ORC5: variants seen among roughly 807,000 people sequenced by gnomAD.
ORC5 encodes origin recognition complex subunit 5.
In ORC5, 39 loss-of-function variants were observed where a neutral mutation model predicts 58.8. That is an observed-to-expected ratio of 0.66 (90% CI 0.51 to 0.87). The LOEUF is 0.87. ORC5 is among the 40% of genes least tolerant of loss of function. The pLI is 0.00. For synonymous variants in ORC5, 218 were observed against 177.6 expected, an observed-to-expected ratio of 1.23 and a Z score of -1.81; for missense variants, 493 against 506.3, an observed-to-expected ratio of 0.97 and a Z score of 0.25.
intron 11 of ORC5, among the ~76,000 whole-genome samples, chr7:104,161,886 T>C (rs909437742): frequency 2.0e-5 from 3 of 152,220 alleles, no homozygotes; most frequent in Non-Finnish European, 4.4e-5. Context: ...TAGAGCTTAC[T>C]ACTTATTTCT....
chr7:104,166,039 TA>T (rs71154393), intron 10 of ORC5, among the ~76,000 whole-genome samples: 1 of 150,054 alleles, frequency 6.7e-6, no homozygotes, highest in African/African-American at 2.5e-5. Flanking sequence ...CTCAAAAAAA[TA>T]AAAAAAAATA....
chr7:104,166,754 G>C lies in ORC5; in HGVS notation c.990+18C>G, dbSNP rs2307405. 0.2 allele frequency: 251,694 copies of C among 1,261,520 alleles called. 27,091 individuals carry two copies. Among genetic ancestry groups the C allele is most frequent in the Middle Eastern group, 0.24 (1,180 of 4,966 alleles). The allele number at this position is 1,261,520 out of a possible 1,614,324, so 78.1% of individuals were successfully genotyped here. A position where few individuals can be genotyped will look rare whatever the true frequency, so the allele number is the denominator to read the frequency against. On this transcript the variant is annotated intron_variant, in intron 10 of 13. Coordinates refer to ENST00000297431, the MANE Select transcript of ORC5 (RefSeq NM_002553.4). ...GGGATCTTAAAAAATAAAGTGAAAA[G>C]AAGTATGTTATTATTACCTTAAGAA...
chr7:104,164,348 C>T (rs1294322925), intron 11 of ORC5, among the ~76,000 whole-genome samples: 1 of 152,164 alleles, frequency 6.6e-6, no homozygotes, highest in Non-Finnish European at 1.5e-5. Context: ...CACTTAAGCC[C>T]AGGAGGTTGA....
intron 3 of ORC5, among the ~76,000 whole-genome samples, chr7:104,199,622 T>C (rs1473272738): frequency 6.6e-6 from 1 of 152,282 alleles, no homozygotes; most frequent in Non-Finnish European, 1.5e-5. Flanking sequence ...ATCTCCATTG[T>C]ATCTAGAAAG....
chr7:104,186,770 A>T (rs1373999212), intron 6 of ORC5, among the ~76,000 whole-genome samples: 1 of 152,182 alleles, frequency 6.6e-6, no homozygotes, highest in African/African-American at 2.4e-5. Context: ...ATATAGAGAA[A>T]ACTAAGAACA....
At chr7:104,180,597 C>T (rs1169079501) in intron 8 of ORC5, among the ~76,000 whole-genome samples, 9 of 88,280 alleles carry the variant, frequency 1.0e-4, no homozygotes, top group Admixed American at 8.5e-4. Context: ...TGACCTAGAA[C>T]TAACTTGGAT....
chr7:104,204,981 T>G (rs1035713517), intron 1 of ORC5, among the ~76,000 whole-genome samples: 1 of 151,846 alleles, frequency 6.6e-6, no homozygotes, highest in Admixed American at 6.6e-5. Flanking sequence ...AACCATGAGG[T>G]ACTGAAGAGA....
chr7:104,192,014 C>A (rs184249837), intron 5 of ORC5, among the ~76,000 whole-genome samples: 242 of 152,120 alleles, frequency 1.6e-3, no homozygotes, highest in Non-Finnish European at 2.6e-3. Context: ...GACCGTAATA[C>A]CTGAGAAAAG....
chr7:104,202,263 C>T (rs187249385), intron 2 of ORC5: 50 of 196,636 alleles, frequency 2.5e-4, no homozygotes, highest in Non-Finnish European at 3.0e-4. Flanking sequence ...ACTTGTGGCA[C>T]TTGGCACAAA....
chr7:104,206,734 C>T (rs1740217911), intron 1 of ORC5, among the ~76,000 whole-genome samples: 2 of 152,174 alleles, frequency 1.3e-5, no homozygotes, highest in South Asian at 4.1e-4. Flanking sequence ...AGATGGACCA[C>T]ATATACAACA....
At chr7:104,199,329 G>A (rs559240543) in intron 3 of ORC5, among the ~76,000 whole-genome samples, 3 of 152,326 alleles carry the variant, frequency 2.0e-5, no homozygotes, top group South Asian at 2.1e-4. Flanking sequence ...ACTGTACCCC[G>A]CAAAGCCACA....
chr7:104,156,080 G>A lies in ORC5; in HGVS notation c.1149+4992C>T, dbSNP rs115586594. On this transcript the variant is annotated intron_variant, in intron 12 of 13. Transcript: ENST00000297431. ...TTCTATCTTATGATGAGAGCAGAAAGGAAAGGAGAAAAGAATGAAATACCA... is the reference window on the plus strand; with the variant it reads ...TTCTATCTTATGATGAGAGCAGAAAAGAAAGGAGAAAAGAATGAAATACCA... 8.4e-3 allele frequency among the ~76,000 whole-genome samples: 1,273 copies of A among 151,580 alleles called. 24 individuals are homozygous for A. Among genetic ancestry groups the A allele is most frequent in the African/African-American group, 0.029 (1,211 of 41,460 alleles).
At position 104,195,201 on chromosome 7, in the gene ORC5, A is replaced by G. The variant is rs1233833526; in HGVS notation, c.495T>C (p.Phe165=). 1.3e-6 allele frequency: 2 copies of G among 1,576,444 alleles called. No homozygotes were observed. Among genetic ancestry groups the G allele is most frequent in the Admixed American group, 1.9e-5 (1 of 51,672 alleles). The part of the protein sequence containing the change: ...LFLSEIVWEK[F]RPNTGCFEPF... ...GCTCAAAGCATCCAGTATTTGGACGAAACTTTTCCCAAACAATTTCACTGA... is the reference window on the plus strand; with the variant it reads ...GCTCAAAGCATCCAGTATTTGGACGGAACTTTTCCCAAACAATTTCACTGA... The change falls in exon 5 of 14, where the codon TTT becomes TTC. Residue 165 remains phenylalanine, a synonymous_variant. Coordinates refer to ENST00000297431, the MANE Select transcript of ORC5 (RefSeq NM_002553.4).
At chr7:104,165,376 A>G (rs1799090933) in intron 10 of ORC5, 94 bp from the exon 11 acceptor site, 1 of 688,974 alleles carries the variant, frequency 1.5e-6, no homozygotes, top group Non-Finnish European at 2.5e-6. Flanking sequence ...ACATAATACT[A>G]ATCTGTATAT....
At chr7:104,194,449 GC>G (rs1380963605) in intron 5 of ORC5, among the ~76,000 whole-genome samples, 1 of 151,960 alleles carries the variant, frequency 6.6e-6, no homozygotes, top group Non-Finnish European at 1.5e-5. Flanking sequence ...CTGTATGACA[GC>G]CCAGTCTTAA....
intron 11 of ORC5, among the ~76,000 whole-genome samples, 156 bp from the exon 12 acceptor site, chr7:104,161,338 A>G (rs17159629): frequency 0.044 from 6,764 of 152,246 alleles, 495 homozygotes; most frequent in African/African-American, 0.15. Context: ...TAAAAGTTTA[A>G]CTGATATGAT....
At chr7:104,174,034 C>CG (rs1239051769) in intron 8 of ORC5, among the ~76,000 whole-genome samples, 1 of 150,934 alleles carries the variant, frequency 6.6e-6, no homozygotes, top group African/African-American at 2.4e-5. Context: ...TTAGTAGAGA[C>CG]GGGGTTTCAC....
At position 104,141,472 on chromosome 7, in the gene ORC5, T is replaced by C. The variant is rs115222515; in HGVS notation, c.1150-4579A>G. 3.3e-3 allele frequency among the ~76,000 whole-genome samples: 507 copies of C among 152,314 alleles called. 3 individuals are homozygous for C. The highest frequency in any genetic ancestry group is 0.012 in the African/African-American group (491 of 41,578). Reference sequence around the variant, plus strand: ...GTTAGTAAGATCTATCTTTTGCCACTTGCTAGCAGTAGACTTCAGACTGGT... The same window carrying C: ...GTTAGTAAGATCTATCTTTTGCCACCTGCTAGCAGTAGACTTCAGACTGGT... On this transcript the variant is annotated intron_variant, in intron 12 of 13. Coordinates refer to ENST00000297431, the MANE Select transcript of ORC5 (RefSeq NM_002553.4).
At chr7:104,193,413 A>C (rs1799720647) in intron 5 of ORC5, among the ~76,000 whole-genome samples, 1 of 152,098 alleles carries the variant, frequency 6.6e-6, no homozygotes, top group Admixed American at 6.6e-5. Flanking sequence ...CCAAAAACCT[A>C]ATCAAATGCA....
Sources: gnomAD v4.1 joint callset for allele counts (sites outside exome capture counted in the v4.1 genomes callset) on GRCh38, gnomAD v4.1.1 for gene constraint, MANE v1.5 for transcripts, NCBI Gene and HGNC (gene_info 2026-07-23, HGNC 2026-07-21) for gene names.